Variants in KCNN3 observed in about 807,000 individuals in gnomAD.
KCNN3 encodes small conductance calcium-activated potassium channel protein 3.
Under a neutral mutation model 62.9 loss-of-function variants are expected in KCNN3, and 16 were observed. The observed-to-expected ratio is 0.25, with a 90% CI of 0.17 to 0.39. KCNN3 has a LOEUF of 0.39. Ranked by LOEUF, KCNN3 falls within the 10% of genes least tolerant of loss-of-function variation. The pLI is 1.00. For missense variants in KCNN3, 599 were observed against 949.4 expected, an observed-to-expected ratio of 0.63 and a Z score of 4.85; for synonymous variants, 370 against 389.2, an observed-to-expected ratio of 0.95 and a Z score of 0.58.
intron 1 of KCNN3, among the ~76,000 whole-genome samples, chr1:154,849,846 C>T (rs1163699163): frequency 6.6e-6 from 1 of 152,166 alleles, no homozygotes; most frequent in Non-Finnish European, 1.5e-5. Context: ...TAGGGGGCAT[C>T]CCTGGCCTCT....
chr1:154,762,507 G>A (rs2101828878), intron 3 of KCNN3, among the ~76,000 whole-genome samples: 1 of 152,234 alleles, frequency 6.6e-6, no homozygotes, highest in Admixed American at 6.5e-5. Context: ...TTTCACTGGG[G>A]AGATAAGTTC....
At chr1:154,868,637 A>T (rs1395581338) in intron 1 of KCNN3, among the ~76,000 whole-genome samples, 1 of 152,040 alleles carries the variant, frequency 6.6e-6, no homozygotes, top group Non-Finnish European at 1.5e-5. Context: ...TGGTGCGTTA[A>T]GCTGCTGGGT....
rs760144428 is a variant in KCNN3, at chr1:154,869,532, C to T, written c.433G>A (p.Ala145Thr). 6.2e-7 allele frequency: 1 copy of T among 1,614,096 alleles called. No homozygotes were observed. Among genetic ancestry groups the T allele is most frequent in the South Asian group, 1.1e-5 (1 of 91,078 alleles). Residue 145 changes from alanine to threonine, a missense_variant, in exon 1 of 8, where the codon GCT becomes ACT. Physicochemically the swap from Ala to Thr is moderately conservative, Grantham distance 58 (BLOSUM62 0). Transcript: ENST00000271915. This position sits in a 1 kb window ranked among gnomAD's most constrained non-coding sequence, Gnocchi z 6.1. Reference sequence around the variant, plus strand: ...CTGCCTCCGCCAGGCCCACTTGTAGCTGTGGAACTTGGAGAGTGGCCAAGC... The same window carrying T: ...CTGCCTCCGCCAGGCCCACTTGTAGTTGTGGAACTTGGAGAGTGGCCAAGC... The part of the protein sequence containing the change: ...HLLGHSPSST[A>T]TSGPGGGSRH...
chr1:154,765,679 A>G lies in KCNN3; in HGVS notation c.1448+6296T>C, dbSNP rs1571253449. On this transcript the variant is annotated intron_variant, in intron 3 of 7. Coordinates refer to ENST00000271915, the MANE Select transcript of KCNN3 (RefSeq NM_002249.6). ...GGTCTCACTCTGTCACCCAGGCTGG[A>G]GTGCAGTGGCGCAATCTCTGCTCGC... 4.4e-5 allele frequency among the ~76,000 whole-genome samples: 6 copies of G among 137,392 alleles called. 1 individual carries two copies. In the South Asian group the frequency reaches 9.0e-4, roughly 21 times the overall value. 90.1% of individuals were successfully genotyped at this position (137,392 alleles called of 152,430 possible).
At position 154,699,249 on chromosome 1, in the gene KCNN3, T is replaced by C. The variant is rs1261680796; in HGVS notation, c.*8727A>G. 3 of 150,810 alleles carry C rather than the reference T, an allele frequency of 2.0e-5. No individual in the cohort carries two copies. Among genetic ancestry groups the C allele is most frequent in the Admixed American group, 2.0e-4 (3 of 15,116 alleles). 9.3% of individuals were successfully genotyped at this position (150,810 alleles called of 1,614,324 possible). On this transcript the variant is annotated 3_prime_UTR_variant, in exon 8 of 8. Coordinates refer to ENST00000271915, the MANE Select transcript of KCNN3 (RefSeq NM_002249.6). ...AAGTAAAAAACAAACAAAAAATACA[T>C]CAATGTTCCGAATAGAACCTCTCTA...
intron 2 of KCNN3, among the ~76,000 whole-genome samples, chr1:154,785,466 G>T (rs1312394624): frequency 1.3e-5 from 2 of 152,098 alleles, no homozygotes; most frequent in Non-Finnish European, 2.9e-5. Context: ...CACCCCTTCA[G>T]GGGGAGCTTT....
In KCNN3 at chr1:154,705,181, C is replaced by T. The variant is rs1699943752; in HGVS notation, c.*2795G>A. The T allele has an allele frequency of 6.6e-6, 1 of 152,126 alleles. No individual in the cohort carries two copies. The highest frequency in any genetic ancestry group is 2.1e-4 in the South Asian group (1 of 4,826). 9.4% of individuals were successfully genotyped at this position (152,126 alleles called of 1,614,324 possible). ...TCCACCTGCCCCTTTTCCCATCTGA[C>T]TGTGATGCTGAGGTGTGGTGGAATT... On this transcript the variant is annotated 3_prime_UTR_variant, in exon 8 of 8. Transcript: ENST00000271915.
intron 1 of KCNN3, among the ~76,000 whole-genome samples, chr1:154,837,250 C>T (rs1291408435): frequency 6.6e-6 from 1 of 152,156 alleles, no homozygotes; most frequent in Non-Finnish European, 1.5e-5. Flanking sequence ...AGGCGCACGC[C>T]ACCACCATGC....
chr1:154,726,419 A>G (rs1571215463), intron 4 of KCNN3, among the ~76,000 whole-genome samples: 1 of 152,242 alleles, frequency 6.6e-6, no homozygotes, highest in Non-Finnish European at 1.5e-5. Flanking sequence ...TCCCTCAGGC[A>G]GGTCTCCATC....
chr1:154,864,787 C>G (rs1190344317), intron 1 of KCNN3, among the ~76,000 whole-genome samples: 1 of 152,146 alleles, frequency 6.6e-6, no homozygotes, highest in African/African-American at 2.4e-5. Flanking sequence ...ATCAGTGGGG[C>G]AGGCGAGACA....
chr1:154,736,152 G>GT (rs1700708091), intron 3 of KCNN3, among the ~76,000 whole-genome samples: 1 of 152,188 alleles, frequency 6.6e-6, no homozygotes, highest in Non-Finnish European at 1.5e-5. Flanking sequence ...CTGTGGGCAA[G>GT]TGACGTGCCC....
chr1:154,777,985 A>G (rs1648862071), intron 2 of KCNN3, among the ~76,000 whole-genome samples: 1 of 152,198 alleles, frequency 6.6e-6, no homozygotes. Flanking sequence ...TCTGCCTCCT[A>G]AGCCTAAAAA....
At chr1:154,826,812 A>G (rs1031514869) in intron 1 of KCNN3, among the ~76,000 whole-genome samples, 1 of 152,246 alleles carries the variant, frequency 6.6e-6, no homozygotes, top group Non-Finnish European at 1.5e-5. Flanking sequence ...AATGTATTTT[A>G]TTGTTTGGGT....
At chr1:154,770,911 G>T (rs1285005367) in intron 3 of KCNN3, among the ~76,000 whole-genome samples, 1 of 152,060 alleles carries the variant, frequency 6.6e-6, no homozygotes, top group Non-Finnish European at 1.5e-5. Flanking sequence ...ACAAAAATTA[G>T]CCTGGTATGG....
At chr1:154,840,495 A>T (rs1203423538) in intron 1 of KCNN3, among the ~76,000 whole-genome samples, 1 of 152,204 alleles carries the variant, frequency 6.6e-6, no homozygotes, top group Non-Finnish European at 1.5e-5. Flanking sequence ...AAATCTCACA[A>T]GCCGCTTCTC....
Position 154,714,958 on chromosome 1 carries a change from A to G in KCNN3, c.1747T>C (p.Tyr583His), listed in dbSNP as rs1194766988. The G allele has an allele frequency of 6.2e-7, 1 of 1,613,798 alleles. No individual in the cohort carries two copies. Among genetic ancestry groups the G allele is most frequent in the Non-Finnish European group, 8.5e-7 (1 of 1,179,786 alleles). ...ANVLRETWLI[Y>H]KHTKLLKKID... ...TTCTTTAGCAGCTTTGTGTGTTTAT[A>G]GATTAACCATGTTTCCCGAAGGACA... is the stretch of plus-strand genomic sequence containing the variant. Residue 583 changes from tyrosine (Y) to histidine (H), a missense_variant, in exon 6 of 8, where the codon TAT becomes CAT. By Grantham distance (83) the Tyr-to-His change is moderately conservative. Coordinates refer to ENST00000271915, the MANE Select transcript of KCNN3 (RefSeq NM_002249.6).
At chr1:154,765,797 T>G (rs2878375) in intron 3 of KCNN3, among the ~76,000 whole-genome samples, 246 of 135,512 alleles carry the variant, frequency 1.8e-3, no homozygotes, top group African/African-American at 6.1e-3. Context: ...TTTTTTTTGG[T>G]TTTTTTTTGT....
chr1:154,725,797 C>G (rs1295494353), intron 5 of KCNN3, 119 bp downstream of exon 5: 1 of 742,972 alleles, frequency 1.3e-6, no homozygotes, highest in Non-Finnish European at 2.4e-6. Flanking sequence ...CCCTCCTCAG[C>G]CTCCTAAAGT....
At chr1:154,803,775 T>A (rs1158288425) in intron 2 of KCNN3, among the ~76,000 whole-genome samples, 1 of 152,218 alleles carries the variant, frequency 6.6e-6, no homozygotes, top group Non-Finnish European at 1.5e-5. Flanking sequence ...GCTGTTAATC[T>A]GAGCGAGAGA....
Sources: allele counts gnomAD v4.1 joint callset (sites outside exome capture counted in the v4.1 genomes callset), GRCh38; gene constraint gnomAD v4.1.1; non-coding constraint Gnocchi (gnomAD v3.1); transcripts MANE v1.5; gene names NCBI Gene and HGNC (gene_info 2026-07-23, HGNC 2026-07-21).